The following SAMMSON variants were observed in gnomAD, a reference collection of about 807,000 sequenced individuals.
SAMMSON encodes survival associated mitochondrial melanoma specific oncogenic non-coding RNA.
chr3:70,050,041 G>A (rs1391066416), intron 3 of SAMMSON, among the ~76,000 whole-genome samples: 1 of 152,062 alleles, frequency 6.6e-6, no homozygotes, highest in Non-Finnish European at 1.5e-5. Context: ...AGGAGGGAAA[G>A]AATAAATTCA....
chr3:70,029,942 C>A (rs564367451), intron 3 of SAMMSON, among the ~76,000 whole-genome samples: 1 of 152,050 alleles, frequency 6.6e-6, no homozygotes, highest in Non-Finnish European at 1.5e-5. Flanking sequence ...CTTCTAGAAT[C>A]GTTTTCTTGA....
intron 9 of SAMMSON, among the ~76,000 whole-genome samples, chr3:70,380,115 GA>G (rs1308244785): frequency 2.6e-5 from 4 of 151,662 alleles, no homozygotes; most frequent in Admixed American, 2.0e-4. Context: ...ACAATTCAAA[GA>G]AAAAAAATTA....
intron 4 of SAMMSON, among the ~76,000 whole-genome samples, chr3:70,166,159 CAAACCTGG>C (rs2067636078): frequency 6.6e-6 from 1 of 151,944 alleles, no homozygotes; most frequent in Non-Finnish European, 1.5e-5. Flanking sequence ...CAGAGTCAGC[CAAACCTGG>C]GGTTGAATTC....
At chr3:70,124,420 C>A (rs538000826) in intron 4 of SAMMSON, among the ~76,000 whole-genome samples, 5 of 152,250 alleles carry the variant, frequency 3.3e-5, no homozygotes, top group Non-Finnish European at 7.4e-5. Context: ...TAATTAGGTA[C>A]TAGGGAATCA....
intron 9 of SAMMSON, among the ~76,000 whole-genome samples, chr3:70,360,709 G>A (rs1421789006): frequency 6.6e-6 from 1 of 152,004 alleles, no homozygotes; most frequent in Non-Finnish European, 1.5e-5. Context: ...TATAACAATT[G>A]AACACTTCTC....
intron 6 of SAMMSON, among the ~76,000 whole-genome samples, chr3:70,282,193 C>G (rs11924537): frequency 0.21 from 32,110 of 152,034 alleles, 3,646 homozygotes; most frequent in African/African-American, 0.28. Context: ...AATCAAAAAA[C>G]CCTTCTTTCC....
intron 4 of SAMMSON, chr3:70,172,441 C>T (rs1242501526): frequency 6.6e-6 from 1 of 151,892 alleles, no homozygotes; most frequent in East Asian, 1.9e-4. Flanking sequence ...CTGCTACTGC[C>T]AGCTTTCTGG....
At chr3:70,165,400 T>G (rs1196914711) in intron 4 of SAMMSON, among the ~76,000 whole-genome samples, 1 of 152,000 alleles carries the variant, frequency 6.6e-6, no homozygotes, top group Non-Finnish European at 1.5e-5. Context: ...ATTTGTATCC[T>G]TATAGAAGAG....
chr3:70,407,603 G>C (rs1438977369), intron 2 of SAMMSON, among the ~76,000 whole-genome samples: 1 of 152,258 alleles, frequency 6.6e-6, no homozygotes, highest in African/African-American at 2.4e-5. Flanking sequence ...AGGTTATGCT[G>C]ATGGAAGAGG....
intron 3 of SAMMSON, among the ~76,000 whole-genome samples, chr3:70,064,896 T>A (rs2067203621): frequency 6.6e-6 from 1 of 152,110 alleles, no homozygotes; most frequent in Non-Finnish European, 1.5e-5. Flanking sequence ...GAAAAAGTTA[T>A]ATAAATAGGA....
At chr3:70,246,095 C>T (rs950448093) in intron 4 of SAMMSON, among the ~76,000 whole-genome samples, 1 of 151,616 alleles carries the variant, frequency 6.6e-6, no homozygotes, top group Admixed American at 6.6e-5. Flanking sequence ...TCACTACACA[C>T]CATAAAAAAA....
At chr3:70,375,224 C>G (rs1450982745) in intron 9 of SAMMSON, among the ~76,000 whole-genome samples, 1 of 152,084 alleles carries the variant, frequency 6.6e-6, no homozygotes, top group African/African-American at 2.4e-5. Flanking sequence ...CTCTGTGTCT[C>G]CCCTAAATTA....
At chr3:70,096,336 G>A (rs1439391493) in intron 4 of SAMMSON, among the ~76,000 whole-genome samples, 1 of 152,148 alleles carries the variant, frequency 6.6e-6, no homozygotes, top group Non-Finnish European at 1.5e-5. Context: ...TTGAGGCCAG[G>A]AGTTTGAGAC....
chr3:70,295,381 TTGAC>T (rs1702279734), intron 7 of SAMMSON, among the ~76,000 whole-genome samples: 1 of 152,250 alleles, frequency 6.6e-6, no homozygotes, highest in African/African-American at 2.4e-5. Context: ...ACTCAACCCT[TTGAC>T]TGAATTATTC....
intron 4 of SAMMSON, among the ~76,000 whole-genome samples, chr3:70,155,561 G>A (rs1023425238): frequency 2.0e-5 from 3 of 152,000 alleles, no homozygotes; most frequent in African/African-American, 2.4e-5. Flanking sequence ...TAACAGCATG[G>A]TGTTATCTGA....
At chr3:70,383,449 C>T (rs997809419) in intron 9 of SAMMSON, among the ~76,000 whole-genome samples, 1 of 151,662 alleles carries the variant, frequency 6.6e-6, no homozygotes, top group African/African-American at 2.4e-5. Context: ...TATAATTAGT[C>T]ATTTGAAGAC....
At chr3:70,257,115 C>T (rs948919515) in intron 6 of SAMMSON, among the ~76,000 whole-genome samples, 3 of 152,120 alleles carry the variant, frequency 2.0e-5, no homozygotes, top group African/African-American at 4.8e-5. Flanking sequence ...TTAAAGCCAG[C>T]GCTACTTTTC....
At chr3:70,020,630 C>G (rs960729053) in intron 3 of SAMMSON, among the ~76,000 whole-genome samples, 16 of 152,106 alleles carry the variant, frequency 1.1e-4, no homozygotes, top group African/African-American at 3.6e-4. Flanking sequence ...CCACACATTT[C>G]TCTTCGCCTT....
chr3:70,123,003 T>G (rs2067441405), intron 4 of SAMMSON, among the ~76,000 whole-genome samples: 3 of 152,208 alleles, frequency 2.0e-5, no homozygotes, highest in Admixed American at 2.0e-4. Context: ...TCTGGACTTC[T>G]AAATTACCTG....
Sources: gnomAD v4.1 joint callset for allele counts (sites outside exome capture counted in the v4.1 genomes callset) on GRCh38, gnomAD v4.1.1 for gene constraint, MANE v1.5 for transcripts, NCBI Gene and HGNC (gene_info 2026-07-23, HGNC 2026-07-21) for gene names.